HEATR5B: variants seen among roughly 807,000 people sequenced by gnomAD.
HEATR5B encodes the protein HEAT repeat-containing protein 5B.
HEATR5B carries 156 observed loss-of-function variants against 224.1 expected under a neutral mutation model. The observed-to-expected ratio is 0.70, with a 90% confidence interval of 0.61 to 0.80. The LOEUF (loss-of-function observed/expected upper bound fraction) is 0.80. Among genes scored for constraint, HEATR5B ranks in the 30% least tolerant of loss-of-function variants. The probability of loss-of-function intolerance (pLI) is 0.00; values close to 1 mark genes in which losing one functional copy is unlikely to be tolerated. For synonymous variants in HEATR5B, 1,027 were observed against 893.0 expected, an observed-to-expected ratio of 1.15 and a Z score of -2.68; for missense variants, 2,323 against 2,535.5, an observed-to-expected ratio of 0.92 and a Z score of 1.80.
chr2:36,982,528 T>C (rs765955112), intron 35 of HEATR5B, among the ~76,000 whole-genome samples: 3 of 152,158 alleles, frequency 2.0e-5, no homozygotes, highest in East Asian at 3.9e-4. Flanking sequence ...CATAATCACA[T>C]TGAGAATTAC....
At chr2:37,059,462 A>G (rs1160256393) in intron 12 of HEATR5B, among the ~76,000 whole-genome samples, 2 of 93,906 alleles carry the variant, frequency 2.1e-5, no homozygotes, top group East Asian at 3.4e-4. Context: ...ATATATATAT[A>G]TATTTTTTTT....
intron 8 of HEATR5B, among the ~76,000 whole-genome samples, chr2:37,067,682 G>A (rs182451324): frequency 6.6e-6 from 1 of 152,260 alleles, no homozygotes; most frequent in Admixed American, 6.5e-5. Flanking sequence ...TGAGGCAGGA[G>A]AATAATTTGA....
chr2:36,995,087 G>GATTTTTTTTTTT (rs1553415173), intron 33 of HEATR5B, among the ~76,000 whole-genome samples: 1 of 104,132 alleles, frequency 9.6e-6, no homozygotes, highest in Non-Finnish European at 1.9e-5. Context: ...GTTATTCCTT[G>GATTTTTTTTTTT]TTTTTTTTTT....
chr2:37,047,963 C>A (rs1670305334), intron 18 of HEATR5B, among the ~76,000 whole-genome samples: 1 of 152,002 alleles, frequency 6.6e-6, no homozygotes, highest in Non-Finnish European at 1.5e-5. Context: ...ACATTTCATA[C>A]AGAATTTCAG....
intron 35 of HEATR5B, among the ~76,000 whole-genome samples, chr2:36,985,775 A>T (rs1274366936): frequency 1.3e-5 from 2 of 151,724 alleles, no homozygotes; most frequent in Non-Finnish European, 2.9e-5. Context: ...AATGGTGCTG[A>T]TCATTGCTAC....
rs1163151629 is a variant in HEATR5B, at chr2:37,068,890, A to G, written c.968T>C (p.Leu323Ser). The part of the protein sequence containing the change: ...VFVTTLGGQW[L>S]ERSFATFLSH... ...CAGGAACGTGGCAAAGCTGCGCTCC[A>G]ACCACTGACCACCCAATGTTGTCAC... Residue 323 changes from leucine (L) to serine (S), a missense_variant, in exon 8 of 36, where the codon TTG becomes TCG. Physicochemically the swap from Leu to Ser is moderately radical, Grantham distance 145. This residue lies in a region of HEATR5B where 502 missense variants were observed against 517.8 expected (regional missense o/e 0.97). Transcript: ENST00000233099. 1 of 1,614,024 alleles carries G rather than the reference A, an allele frequency of 6.2e-7. No individual in the cohort carries two copies. The highest frequency in any genetic ancestry group is 8.5e-7 in the Non-Finnish European group (1 of 1,179,990).
chr2:37,018,273 A>T (rs1348595609), intron 26 of HEATR5B, among the ~76,000 whole-genome samples: 4 of 152,208 alleles, frequency 2.6e-5, no homozygotes, highest in African/African-American at 9.7e-5. Context: ...TACAATTCTA[A>T]TAGCCTTTGC....
chr2:36,985,164 A>G (rs1665861218), intron 35 of HEATR5B, among the ~76,000 whole-genome samples: 2 of 152,206 alleles, frequency 1.3e-5, no homozygotes, highest in African/African-American at 4.8e-5. Context: ...GAATCATGTA[A>G]CTATGTAAAA....
intron 21 of HEATR5B, among the ~76,000 whole-genome samples, chr2:37,035,282 A>C (rs907782109): frequency 1.3e-5 from 2 of 152,228 alleles, no homozygotes; most frequent in Admixed American, 1.3e-4. Context: ...TGTAAAGTAC[A>C]ATCAATGGTA....
At position 37,076,965 on chromosome 2, in the gene HEATR5B, G is replaced by A. The variant is rs778287300; in HGVS notation, c.393C>T (p.Gly131=). 8 of 1,613,964 alleles carry A rather than the reference G, an allele frequency of 5.0e-6. No homozygotes were observed. The highest frequency in any genetic ancestry group is 2.2e-5 in the South Asian group (2 of 91,086). ...AFYEKMGRML[G]SAFPETVNNL... The stretch of plus-strand genomic sequence containing the variant: ...TATTTACCGTTTCTGGAAATGCGCT[G>A]CCCAACATTCTCCCCATTTTTTCAT... The change falls in exon 4 of 36, where the codon GGC becomes GGT. Residue 131 remains glycine (G), a synonymous_variant. Coordinates refer to ENST00000233099, the MANE Select transcript of HEATR5B (RefSeq NM_019024.3).
chr2:37,036,625 C>G (rs566332495), intron 21 of HEATR5B, among the ~76,000 whole-genome samples: 1 of 152,136 alleles, frequency 6.6e-6, no homozygotes, highest in South Asian at 2.1e-4. Flanking sequence ...AGTTCTCCTG[C>G]TTCAGCCTCC....
intron 22 of HEATR5B, among the ~76,000 whole-genome samples, chr2:37,030,592 T>G (rs1669068850): frequency 6.6e-6 from 1 of 152,208 alleles, no homozygotes; most frequent in Admixed American, 6.5e-5. Context: ...CCAGAAAATG[T>G]GCATGACTCT....
intron 27 of HEATR5B, among the ~76,000 whole-genome samples, chr2:37,013,485 G>A (rs1397758668): frequency 6.6e-6 from 1 of 152,186 alleles, no homozygotes; most frequent in East Asian, 1.9e-4. Context: ...AGAAGTTCAA[G>A]TCCAGGCTGG....
intron 22 of HEATR5B, among the ~76,000 whole-genome samples, chr2:37,030,765 T>C (rs182813732): frequency 0.011 from 1,620 of 152,336 alleles, 11 homozygotes; most frequent in Non-Finnish European, 0.018. Context: ...TATTTGTTAT[T>C]TCTTCTTTAT....
At chr2:36,985,457 G>GTT (rs1287470661) in intron 35 of HEATR5B, among the ~76,000 whole-genome samples, 1 of 127,872 alleles carries the variant, frequency 7.8e-6, no homozygotes, top group African/African-American at 2.9e-5. Flanking sequence ...GCTTTTTTTT[G>GTT]GTTTTTTTTT....
chr2:36,991,799 G>T (rs1666350032), intron 33 of HEATR5B, among the ~76,000 whole-genome samples: 1 of 152,120 alleles, frequency 6.6e-6, no homozygotes, highest in South Asian at 2.1e-4. Flanking sequence ...ACTTTAGAAG[G>T]ATTACAAACA....
At chr2:37,028,429 T>G (rs1459984763) in intron 23 of HEATR5B, among the ~76,000 whole-genome samples, 1 of 151,934 alleles carries the variant, frequency 6.6e-6, no homozygotes, top group African/African-American at 2.4e-5. Context: ...TAACTTGGGG[T>G]TTTTATACAT....
chr2:37,013,881 G>A lies in HEATR5B; in HGVS notation c.4244C>T (p.Thr1415Met), dbSNP rs780914853. 25 of 1,609,972 alleles carry A rather than the reference G, an allele frequency of 1.6e-5. No individual in the cohort carries two copies. The highest frequency in any genetic ancestry group is 1.3e-4 in the East Asian group (6 of 44,732). ...SSSQLYRESA[T>M]TMEKLAVLKA... ...GAGAACAGCCAGTTTTTCCATGGTC[G>A]TGGCACTCTCTCGGTACAGCTGGCT... The change falls in exon 27 of 36, where the codon ACG becomes ATG. Residue 1415 changes from threonine to methionine, a missense_variant. Physicochemically the swap from Thr to Met is moderately conservative, Grantham distance 81 (BLOSUM62 -1). This residue lies in a region of HEATR5B where 844 missense variants were observed against 812.9 expected (regional missense o/e 1.04). Transcript: ENST00000233099.
intron 15 of HEATR5B, 86 bp from the exon 16 acceptor site, chr2:37,056,701 G>A (rs6735749): frequency 0.047 from 51,614 of 1,094,360 alleles, 1,488 homozygotes; most frequent in Non-Finnish European, 0.054. Flanking sequence ...TACAGCAGAG[G>A]AGAAAGGAGA....
Sources: allele counts gnomAD v4.1 joint callset (sites outside exome capture counted in the v4.1 genomes callset), GRCh38; gene constraint gnomAD v4.1.1; regional missense constraint gnomAD v4.1.1; transcripts MANE v1.5; gene names NCBI Gene and HGNC (gene_info 2026-07-23, HGNC 2026-07-21).